TMPRSS5: variants seen among roughly 807,000 people sequenced by gnomAD.
The protein encoded by TMPRSS5 is transmembrane serine protease 5.
TMPRSS5 carries 45 observed loss-of-function variants against 59.7 expected under a neutral mutation model. The observed-to-expected ratio is 0.75, with a 90% CI of 0.59 to 0.97. TMPRSS5 has a LOEUF of 0.97. Among genes scored for constraint, TMPRSS5 ranks in the 50% least tolerant of loss-of-function variants. TMPRSS5 has a pLI of 0.00. For synonymous variants in TMPRSS5, 225 were observed against 232.0 expected, an observed-to-expected ratio of 0.97 and a Z score of 0.27; for missense variants, 585 against 596.7, an observed-to-expected ratio of 0.98 and a Z score of 0.20.
intron 12 of TMPRSS5, among the ~76,000 whole-genome samples, chr11:113,689,111 A>C (rs889799637): frequency 1.3e-5 from 2 of 151,912 alleles, no homozygotes; most frequent in Admixed American, 1.3e-4. Flanking sequence ...TAATCCCAGC[A>C]CTTTGGGAGG....
At position 113,690,251 on chromosome 11, in the gene TMPRSS5, C is replaced by A. The variant is rs371532853; in HGVS notation, c.1186G>T (p.Gly396Ter). The A allele has an allele frequency of 2.8e-5, 43 of 1,552,076 alleles. No individual in the cohort carries two copies. In the African/African-American group the frequency reaches 5.9e-4, roughly 21 times the overall value. ...PRMLCAGYLD[G>*]RADACQGDSG... ...CACACCTGGCATGCATCAGCCCTTCCGTCCAGGTAGCCAGCGCAAAGCATG... is the reference window on the plus strand; with the variant it reads ...CACACCTGGCATGCATCAGCCCTTCAGTCCAGGTAGCCAGCGCAAAGCATG... The change falls in exon 11 of 13, where the codon GGA becomes TGA. Residue 396 changes from glycine to a stop codon, truncating the protein, a stop_gained. Transcript: ENST00000299882. LOFTEE classifies it high-confidence loss of function.
intron 3 of TMPRSS5, among the ~76,000 whole-genome samples, chr11:113,699,233 C>T (rs935760126): frequency 1.7e-5 from 1 of 60,342 alleles, no homozygotes; most frequent in East Asian, 5.3e-4. Flanking sequence ...CTCTCTCTCT[C>T]TCTCTCTCTC....
At chr11:113,698,435 G>A (rs1209250651) in intron 4 of TMPRSS5, among the ~76,000 whole-genome samples, 2 of 152,218 alleles carry the variant, frequency 1.3e-5, no homozygotes, top group African/African-American at 2.4e-5. Context: ...TTCTAATGAG[G>A]TTATTCTAAG....
At chr11:113,688,919 G>C (rs1017425428) in intron 12 of TMPRSS5, among the ~76,000 whole-genome samples, 11 of 152,204 alleles carry the variant, frequency 7.2e-5, no homozygotes, top group Admixed American at 2.6e-4. Context: ...AGATGAAGGA[G>C]AGTGGCTTGC....
intron 1 of TMPRSS5, among the ~76,000 whole-genome samples, chr11:113,702,815 C>T (rs1198340634): frequency 1.3e-5 from 2 of 152,232 alleles, no homozygotes; most frequent in African/African-American, 2.4e-5. Flanking sequence ...GCCTTGGCAG[C>T]CTCCTTGTGG....
intron 11 of TMPRSS5, 122 bp downstream of exon 11, chr11:113,690,109 G>T: frequency 7.2e-7 from 1 of 1,385,844 alleles, no homozygotes; most frequent in Non-Finnish European, 9.7e-7. Flanking sequence ...CCTCCTTCTA[G>T]AGAGGCTGTC....
In TMPRSS5 at chr11:113,700,368, C is replaced by T. The variant is rs192641761; in HGVS notation, c.4-200G>A. Among the ~76,000 whole-genome samples, 411 of 152,328 alleles carry T rather than the reference C, an allele frequency of 2.7e-3. 5 individuals carry two copies. Among genetic ancestry groups the T allele is most frequent in the Non-Finnish European group, 4.2e-3 (286 of 68,028 alleles). On this transcript the variant is annotated intron_variant, in intron 1 of 12. Coordinates refer to ENST00000299882, the MANE Select transcript of TMPRSS5 (RefSeq NM_030770.4). ...CCCTGTGCCCTCCTGGGGCCCCTAA[C>T]CCCAATGACCTTACTCTCACATGGC...
At position 113,694,571 on chromosome 11, in the gene TMPRSS5, C is replaced by T; in HGVS notation, c.692G>A (p.Trp231Ter). 1 of 1,557,366 alleles carries T rather than the reference C, an allele frequency of 6.4e-7. No individual in the cohort carries two copies. Among genetic ancestry groups the T allele is most frequent in the South Asian group, 1.2e-5 (1 of 84,434 alleles). Residue 231 changes from tryptophan (W) to a stop codon, truncating the protein, a stop_gained, in exon 8 of 13, where the codon TGG becomes TAG. Transcript: ENST00000299882. LOFTEE classifies it high-confidence loss of function. The part of the protein sequence containing the change: ...GQSVAPGRWP[W>*]QASVALGFRH... The stretch of plus-strand genomic sequence containing the variant: ...GAAGCCCAGGGCCACGCTGGCCTGC[C>T]ACGGCCAGCGCCCAGGAGCCACAGA...
At chr11:113,699,229 C>G (rs979838497) in intron 3 of TMPRSS5, among the ~76,000 whole-genome samples, 2 of 53,120 alleles carry the variant, frequency 3.8e-5, no homozygotes, top group Non-Finnish European at 6.7e-5. Flanking sequence ...CTCTCTCTCT[C>G]TCTCTCTCTC....
At position 113,699,595 on chromosome 11, in the gene TMPRSS5, C is replaced by T; in HGVS notation, c.205G>A (p.Val69Met). Residue 69 changes from valine (V) to methionine (M), a missense_variant and splice_region_variant, in exon 3 of 13, where the codon GTG becomes ATG. Val to Met is a conservative substitution (Grantham distance 21). Coordinates refer to ENST00000299882, the MANE Select transcript of TMPRSS5 (RefSeq NM_030770.4). ...CCAGAGAAAGGCCCCCAGCACTGAC[C>T]TAGGAGCCATGAGCCAACACCTGCA... ...AGAGVGSWLL[V>M]LYLCPAASQP... is the part of the protein sequence containing the mutation. 6.4e-7 allele frequency: 1 copy of T among 1,571,372 alleles called. No individual in the cohort carries two copies. Among genetic ancestry groups the T allele is most frequent in the Non-Finnish European group, 8.6e-7 (1 of 1,158,886 alleles).
chr11:113,696,129 T>C (rs1452880487), intron 6 of TMPRSS5, among the ~76,000 whole-genome samples: 1 of 152,044 alleles, frequency 6.6e-6, no homozygotes, highest in Non-Finnish European at 1.5e-5. Flanking sequence ...ACAAGAACCC[T>C]GTCAGAACCT....
chr11:113,690,719 T>G, intron 10 of TMPRSS5, 122 bp downstream of exon 10: 1 of 947,858 alleles, frequency 1.1e-6, no homozygotes, highest in Non-Finnish European at 1.6e-6. Flanking sequence ...TGACCAAGGG[T>G]GATGCCAGGG....
At chr11:113,694,399 C>A in intron 8 of TMPRSS5, 79 bp downstream of exon 8, 1 of 1,468,306 alleles carries the variant, frequency 6.8e-7, no homozygotes. Flanking sequence ...TGGACACGAA[C>A]ATTTGATACA....
At chr11:113,699,272 C>CTCTCTCTCCCCCCTCTCTCTCCCT (rs1953044616) in intron 3 of TMPRSS5, among the ~76,000 whole-genome samples, 3 of 24,082 alleles carry the variant, frequency 1.2e-4, no homozygotes, top group African/African-American at 4.0e-4. Flanking sequence ...TCTCTCTCTC[C>CTCTCTCTCCCCCCTCTCTCTCCCT]CTCTCTCTCT....
At chr11:113,699,255 CTCTCTCTCT>C (rs1565263611) in intron 3 of TMPRSS5, among the ~76,000 whole-genome samples, 2 of 83,122 alleles carry the variant, frequency 2.4e-5, no homozygotes, top group Admixed American at 1.4e-4. Context: ...CTCTCTCTCT[CTCTCTCTCT>C]CTCTCTCCCT....
intron 9 of TMPRSS5, 59 bp downstream of exon 9, chr11:113,693,012 A>G: frequency 1.2e-6 from 1 of 866,096 alleles, no homozygotes; most frequent in Non-Finnish European, 1.8e-6. Flanking sequence ...TCTCCCACCC[A>G]GCCCCCGCCC....
At position 113,687,816 on chromosome 11, in the gene TMPRSS5, G is replaced by T. The variant is rs1370921584; in HGVS notation, c.*444C>A. The T allele has an allele frequency of 1.3e-5, 2 of 157,966 alleles. No individual in the cohort carries two copies. The highest frequency in any genetic ancestry group is 1.3e-4 in the Admixed American group (2 of 15,524). 9.8% of individuals were successfully genotyped at this position (157,966 alleles called of 1,614,324 possible). A position where few individuals can be genotyped will look rare whatever the true frequency, so the allele number is the denominator to read the frequency against. On this transcript the variant is annotated 3_prime_UTR_variant, in exon 13 of 13. Coordinates refer to ENST00000299882, the MANE Select transcript of TMPRSS5 (RefSeq NM_030770.4). Reference sequence around the variant, plus strand: ...CTCAGCCATGGAGTCCTCTAGGGAGGCACTTAGCCCACCTAGAGCACAGGA... The same window carrying T: ...CTCAGCCATGGAGTCCTCTAGGGAGTCACTTAGCCCACCTAGAGCACAGGA...
chr11:113,688,903 T>C (rs1952678487), intron 12 of TMPRSS5, among the ~76,000 whole-genome samples: 1 of 152,104 alleles, frequency 6.6e-6, no homozygotes, highest in African/African-American at 2.4e-5. Flanking sequence ...GGCCTTCCCA[T>C]TGAACAGATG....
rs768103923 is a variant in TMPRSS5 at position 113,689,891 on chromosome 11, G to C, written c.1233C>G (p.Cys411Trp). The change falls in exon 12 of 13, where the codon TGC (cysteine) becomes TGG (tryptophan). Residue 411 changes from cysteine (C) to tryptophan (W), a missense_variant. By Grantham distance (215) the Cys-to-Trp change is radical (BLOSUM62 -2). Coordinates refer to ENST00000299882, the MANE Select transcript of TMPRSS5 (RefSeq NM_030770.4). ...CTAGGCGCCATGTGTCCCCATCTGG[G>C]CACACTAGGGGGCCCCCGCTATCTC... Reference protein sequence around the residue: ...CQGDSGGPLVCPDGDTWRLVG... With the variant: ...CQGDSGGPLVWPDGDTWRLVG... 1 of 1,569,086 alleles carries C rather than the reference G, an allele frequency of 6.4e-7. No homozygotes were observed.
Sources: allele counts gnomAD v4.1 joint callset (sites outside exome capture counted in the v4.1 genomes callset), GRCh38; gene constraint gnomAD v4.1.1; transcripts MANE v1.5; gene names NCBI Gene and HGNC (gene_info 2026-07-23, HGNC 2026-07-21).